Variants in ZNF248 observed in about 807,000 individuals in gnomAD.
ZNF248 encodes the protein zinc finger protein 248.
ZNF248 carries 20 observed loss-of-function variants against 44.3 expected under a neutral mutation model. The ratio of observed to expected loss-of-function variants is 0.45; its 90% CI spans 0.32 to 0.66. ZNF248 has a LOEUF of 0.66. Ranked by LOEUF, ZNF248 falls within the 30% of genes least tolerant of loss-of-function variation. The probability of loss-of-function intolerance (pLI) is 0.04; values close to 1 mark genes in which losing one functional copy is unlikely to be tolerated. For synonymous variants in ZNF248, 224 were observed against 229.0 expected (o/e 0.98, Z 0.20); for missense variants, 654 against 677.0 (o/e 0.97, Z 0.38).
At chr10:37,793,935 T>A (rs1288663987) in intron 6 of ZNF248, among the ~76,000 whole-genome samples, 1 of 152,206 alleles carries the variant, frequency 6.6e-6, no homozygotes, top group African/African-American at 2.4e-5. Context: ...ATGTATAATT[T>A]TTTTAAATCT....
chr10:37,811,314 G>A (rs1811640210), intron 6 of ZNF248, among the ~76,000 whole-genome samples: 1 of 152,136 alleles, frequency 6.6e-6, no homozygotes, highest in African/African-American at 2.4e-5. Context: ...AAAATACCTT[G>A]TAATCTCATA....
chr10:37,780,084 T>C (rs1479757185), intron 6 of ZNF248, among the ~76,000 whole-genome samples: 1 of 149,928 alleles, frequency 6.7e-6, no homozygotes. Flanking sequence ...AAAATGGCCA[T>C]ACTGCCCAAG....
chr10:37,787,804 C>G (rs181062593), intron 6 of ZNF248, among the ~76,000 whole-genome samples: 1 of 152,092 alleles, frequency 6.6e-6, no homozygotes, highest in East Asian at 1.9e-4. Context: ...ACAAAGAGTT[C>G]TTAGACAACA....
rs2052931265 is a variant in ZNF248 at position 37,818,589 on chromosome 10, C to T, written c.330+14436G>A. 4.9e-5 allele frequency: 21 copies of T among 426,764 alleles called. 1 individual carries two copies. Among genetic ancestry groups the T allele is most frequent in the South Asian group, 4.2e-4 (17 of 40,742 alleles). The allele number at this position is 426,764 out of a possible 1,614,324, so 26.4% of individuals were successfully genotyped here. ...TTTGTGTGTGTTGAACAGTTTGTGG[C>T]CTTGGAGTCAGTCTCAATTCGAAGA... On this transcript the variant is annotated intron_variant, in intron 6 of 6. Transcript: ENST00000615949.
chr10:37,822,686 A>T (rs1208939295), intron 6 of ZNF248, among the ~76,000 whole-genome samples: 1 of 152,150 alleles, frequency 6.6e-6, no homozygotes, highest in Non-Finnish European at 1.5e-5. Flanking sequence ...CGTGGGCCAC[A>T]ATGGAAGGAA....
At chr10:37,781,618 C>T (rs1235719198) in intron 6 of ZNF248, among the ~76,000 whole-genome samples, 1 of 151,794 alleles carries the variant, frequency 6.6e-6, no homozygotes, top group Non-Finnish European at 1.5e-5. Context: ...CTTCAGTGTA[C>T]CAGCACCCAA....
In ZNF248 at chr10:37,781,029, G is replaced by T. The variant is rs183679319; in HGVS notation, c.331-4454C>A. 8.9e-4 allele frequency among the ~76,000 whole-genome samples: 135 copies of T among 152,246 alleles called. 1 individual carries two copies. In the Middle Eastern group the frequency reaches 0.024, roughly 27 times the overall value. ...GACACGTGAACTGCGGGGATATGAT[G>T]GTTAATTCGACCCTTGTAATGTACT... On this transcript the variant is annotated intron_variant, in intron 6 of 6. Coordinates refer to the ZNF248 transcript ENST00000615949.
At chr10:37,799,490 C>G (rs566511353) in intron 6 of ZNF248, among the ~76,000 whole-genome samples, 6 of 152,256 alleles carry the variant, frequency 3.9e-5, no homozygotes, top group African/African-American at 1.4e-4. Flanking sequence ...ACGTGGGAGG[C>G]AGAGGTTGCA....
intron 6 of ZNF248, among the ~76,000 whole-genome samples, chr10:37,799,583 G>A (rs996963304): frequency 6.6e-6 from 1 of 152,084 alleles, no homozygotes; most frequent in Non-Finnish European, 1.5e-5. Context: ...TCCAGTGTTT[G>A]CTAACACTTC....
At chr10:37,856,609 G>A (rs1238579851) in intron 1 of ZNF248, 77 bp from the exon 2 acceptor site, 1 of 1,084,996 alleles carries the variant, frequency 9.2e-7, no homozygotes, top group South Asian at 4.3e-5. Flanking sequence ...AAAACACTAT[G>A]GGTTTGTCAA....
downstream of ZNF248, chr10:37,776,477 C>A (rs1229092755): frequency 5.0e-6 from 2 of 397,760 alleles, no homozygotes; most frequent in Admixed American, 4.4e-5. Flanking sequence ...TGACAACGTT[C>A]AGGTTAGAGA....
chr10:37,799,402 T>C (rs2049530956), intron 6 of ZNF248, among the ~76,000 whole-genome samples: 1 of 152,036 alleles, frequency 6.6e-6, no homozygotes, highest in Non-Finnish European at 1.5e-5. Context: ...CTACTAAAAA[T>C]ACAAAAATTA....
At chr10:37,769,813 G>A in the ZNF248 span, among the ~76,000 whole-genome samples, 37 of 152,244 alleles carry the variant, frequency 2.4e-4, no homozygotes, top group Non-Finnish European at 3.2e-4. Flanking sequence ...TATTCAATTA[G>A]GAAAAGAGGA....
At chr10:37,762,256 T>A in the ZNF248 span, among the ~76,000 whole-genome samples, 1 of 152,320 alleles carries the variant, frequency 6.6e-6, no homozygotes, top group East Asian at 1.9e-4. Flanking sequence ...TTCCTCATAA[T>A]AGTGCTAACA....
In ZNF248 at chr10:37,776,541, A is replaced by T; in HGVS notation, c.365T>A (p.Leu122Ter). 2.5e-6 allele frequency: 1 copy of T among 398,438 alleles called. No individual in the cohort carries two copies. The highest frequency in any genetic ancestry group is 4.4e-6 in the Non-Finnish European group (1 of 225,936). The allele number at this position is 398,438 out of a possible 1,614,324, so 24.7% of individuals were successfully genotyped here. Reference sequence around the variant, plus strand: ...CTAGGGCGCCTTCTTCTTACTTCACAAGAACTGCTTTCTTCCGAGGAGCTG... The same window carrying T: ...CTAGGGCGCCTTCTTCTTACTTCACTAGAACTGCTTTCTTCCGAGGAGCTG... The change falls in exon 7 of 7, where the codon TTG (leucine) becomes TAG (stop). Residue 122 changes from leucine to a stop codon, truncating the protein, a stop_gained. Coordinates refer to the ZNF248 transcript ENST00000615949. LOFTEE classifies it high-confidence loss of function.
chr10:37,821,118 G>T, intron 6 of ZNF248: 1 of 527,662 alleles, frequency 1.9e-6, no homozygotes, highest in Non-Finnish European at 3.3e-6. Flanking sequence ...TGGAAGTCAT[G>T]GTAACTTTTT....
chr10:37,855,985 A>C (rs2061219972), intron 3 of ZNF248, among the ~76,000 whole-genome samples: 1 of 152,232 alleles, frequency 6.6e-6, no homozygotes, highest in South Asian at 2.1e-4. Context: ...AAGCATATGC[A>C]CTGAGTTCTG....
the ZNF248 span, among the ~76,000 whole-genome samples, chr10:37,766,034 C>A: frequency 6.6e-6 from 1 of 152,250 alleles, no homozygotes; most frequent in Admixed American, 6.5e-5. Context: ...TGAGATCAAA[C>A]TGCAAGGTGG....
intron 3 of ZNF248, among the ~76,000 whole-genome samples, chr10:37,840,634 T>C (rs2058160744): frequency 1.3e-5 from 2 of 152,060 alleles, no homozygotes; most frequent in South Asian, 4.1e-4. Context: ...ACAATCTAAA[T>C]TAGCCGGGTG....
Sources: gnomAD v4.1 joint callset for allele counts (sites outside exome capture counted in the v4.1 genomes callset) on GRCh38, gnomAD v4.1.1 for gene constraint, MANE v1.5 for transcripts, NCBI Gene and HGNC (gene_info 2026-07-23, HGNC 2026-07-21) for gene names.